Variants in SULT2B1 observed in about 807,000 individuals in gnomAD.
SULT2B1 encodes the protein sulfotransferase 2B1.
SULT2B1 carries 16 observed loss-of-function variants against 33.2 expected under a neutral mutation model. That is an observed-to-expected ratio of 0.48 (90% CI 0.33 to 0.73). The LOEUF (loss-of-function observed/expected upper bound fraction) is 0.73. Ranked by LOEUF, SULT2B1 falls within the 30% of genes least tolerant of loss-of-function variation. The pLI, the probability that SULT2B1 is intolerant of heterozygous loss-of-function variation, is 0.02. For synonymous variants in SULT2B1, 186 were observed against 200.5 expected, an observed-to-expected ratio of 0.93 and a Z score of 0.61; for missense variants, 500 against 506.0, an observed-to-expected ratio of 0.99 and a Z score of 0.11.
rs1181434656 is a variant in SULT2B1, at chr19:48,592,825, C to T, written c.645+9C>T. 1.9e-6 allele frequency: 3 copies of T among 1,555,648 alleles called. No individual in the cohort carries two copies. Among genetic ancestry groups the T allele is most frequent in the Non-Finnish European group, 2.6e-6 (3 of 1,147,688 alleles). On this transcript the variant is annotated intron_variant, in intron 5 of 6. Coordinates refer to ENST00000201586, the MANE Select transcript of SULT2B1 (RefSeq NM_177973.2). ...ACGAGGAGCTGCAGCAGGTGAGTCC[C>T]CACCTCCTCCAGGTGCAGCGTCCCC...
At position 48,592,748 on chromosome 19, in the gene SULT2B1, A is replaced by G; in HGVS notation, c.577A>G (p.Ile193Val). ...GCAGTTTGGCTCCTGGTTCGACCAC[A>G]TTAAGGGCTGGCTTCGGATGAAGGG... ...EVQFGSWFDHIKGWLRMKGKD... is the reference protein window; with the variant it reads ...EVQFGSWFDHVKGWLRMKGKD... The change falls in exon 5 of 7, where the codon ATT becomes GTT. Residue 193 changes from isoleucine to valine, a missense_variant. Transcript: ENST00000201586. 6.3e-7 allele frequency: 1 copy of G among 1,599,490 alleles called. No individual in the cohort carries two copies. Among genetic ancestry groups the G allele is most frequent in the Non-Finnish European group, 8.5e-7 (1 of 1,172,770 alleles).
Position 48,558,683 on chromosome 19 carries a change from T to C in SULT2B1, c.71+6360T>C, listed in dbSNP as rs1238447205. Among the ~76,000 whole-genome samples the C allele has an allele frequency of 2.3e-4, 20 of 87,806 alleles. No homozygotes were observed. The East Asian group carries it at 4.2e-3, about 18-fold the overall frequency. The allele number at this position is 87,806 out of a possible 152,430, so 57.6% of individuals were successfully genotyped here. A position where few individuals can be genotyped will look rare whatever the true frequency, so the allele number is the denominator to read the frequency against. On this transcript the variant is annotated intron_variant, in intron 1 of 6. Transcript: ENST00000201586. ...TTTTCTTTTTTCTTTTCTTTTCTTT[T>C]TTTTTTTTTTTTTTTTTTGAGACAG...
Position 48,587,213 on chromosome 19 carries a change from C to T in SULT2B1, c.215-16C>T, listed in dbSNP as rs767076557. On this transcript the variant is annotated splice_polypyrimidine_tract_variant and intron_variant, in intron 2 of 6. Coordinates refer to ENST00000201586, the MANE Select transcript of SULT2B1 (RefSeq NM_177973.2). The stretch of plus-strand genomic sequence containing the variant: ...CCCTCCCACACCCAATTAATCTGCT[C>T]GATTTCTCCCAACAGGCACGACCTG... The T allele has an allele frequency of 5.3e-5, 85 of 1,589,986 alleles. No homozygotes were observed. The highest frequency in any genetic ancestry group is 3.9e-4 in the Admixed American group (23 of 58,330).
At chr19:48,588,582 A>C (rs777133593) in intron 3 of SULT2B1, among the ~76,000 whole-genome samples, 1 of 149,530 alleles carries the variant, frequency 6.7e-6, no homozygotes, top group Non-Finnish European at 1.5e-5. Flanking sequence ...TACTTTAATT[A>C]TATTTAATAT....
In SULT2B1 at chr19:48,579,855, C is replaced by T. The variant is rs1342053614; in HGVS notation, c.214+3772C>T. Among the ~76,000 whole-genome samples, 3 of 151,494 alleles carry T rather than the reference C, an allele frequency of 2.0e-5. No individual in the cohort carries two copies. The East Asian group carries it at 5.8e-4, about 30-fold the overall frequency. ...CTCCTGACCTCAGGTGATCCACCTG[C>T]CTCAGCTTCCCGAAGTGCTGGGATT... On this transcript the variant is annotated intron_variant, in intron 2 of 6. Transcript: ENST00000201586.
chr19:48,592,903 C>A, intron 5 of SULT2B1, 87 bp downstream of exon 5: 1 of 1,182,346 alleles, frequency 8.5e-7, no homozygotes, highest in Non-Finnish European at 1.2e-6. Flanking sequence ...GGTCTCAGGA[C>A]CCCTCCGCTT....
chr19:48,593,035 G>GAGGAGCTA (rs1292199280), intron 5 of SULT2B1, among the ~76,000 whole-genome samples: 1 of 151,946 alleles, frequency 6.6e-6, no homozygotes, highest in Non-Finnish European at 1.5e-5. Context: ...CAGAGGAGCT[G>GAGGAGCTA]AGGAGCAAAG....
At chr19:48,575,466 AT>A (rs1973391031) in intron 1 of SULT2B1, 4 of 22,894 alleles carry the variant, frequency 1.7e-4, no homozygotes, top group African/African-American at 2.3e-4. Context: ...AATTAAAAAT[AT>A]ATATATATAT....
chr19:48,591,639 G>T lies in SULT2B1; in HGVS notation c.454G>T (p.Val152Phe), dbSNP rs1432402312. Residue 152 changes from valine to phenylalanine, a missense_variant, in exon 4 of 7, where the codon GTT becomes TTT. Physicochemically the swap from Val to Phe is conservative, Grantham distance 50. Transcript: ENST00000201586. ...VIYMGRNPRD[V>F]VVSLYHYSKI... ...CTACATGGGCCGCAACCCCCGGGAC[G>T]TTGTGGTCTCCCTCTATCATTACTC... 6.2e-7 allele frequency: 1 copy of T among 1,613,514 alleles called. No individual in the cohort carries two copies. Among genetic ancestry groups the T allele is most frequent in the Non-Finnish European group, 8.5e-7 (1 of 1,179,662 alleles).
Position 48,581,990 on chromosome 19 carries a change from C to T in SULT2B1, c.215-5239C>T, listed in dbSNP as rs562460086. Among the ~76,000 whole-genome samples, 7 of 151,134 alleles carry T rather than the reference C, an allele frequency of 4.6e-5. No homozygotes were observed. The East Asian group carries it at 9.8e-4, about 21-fold the overall frequency. On this transcript the variant is annotated intron_variant, in intron 2 of 6. Coordinates refer to ENST00000201586, the MANE Select transcript of SULT2B1 (RefSeq NM_177973.2). ...TGCCATCTTGGCTTACTGCAACCTC[C>T]GCCTCCTGGGTTCAAGCGATTCTCC... is the stretch of plus-strand genomic sequence containing the variant.
intron 1 of SULT2B1, among the ~76,000 whole-genome samples, chr19:48,569,514 G>A (rs1973293024): frequency 6.6e-6 from 1 of 151,200 alleles, no homozygotes; most frequent in Admixed American, 6.6e-5. Context: ...GAGCCCAGGA[G>A]TTTTCTTTCT....
chr19:48,598,866 A>C (rs1973758885), intron 6 of SULT2B1, among the ~76,000 whole-genome samples: 1 of 152,092 alleles, frequency 6.6e-6, no homozygotes, highest in East Asian at 1.9e-4. Context: ...AGAGACTTAA[A>C]GGGTCCGGGA....
chr19:48,583,969 G>A (rs1973529170), intron 2 of SULT2B1, among the ~76,000 whole-genome samples: 1 of 152,066 alleles, frequency 6.6e-6, no homozygotes, highest in African/African-American at 2.4e-5. Context: ...AAAATTAGCT[G>A]GGCATGCTGG....
chr19:48,576,040 T>C lies in SULT2B1; in HGVS notation c.171T>C (p.Asp57=), dbSNP rs143394760. The change falls in exon 2 of 7, where the codon GAT becomes GAC. Residue 57 remains aspartate (D), a synonymous_variant. Transcript: ENST00000201586. ...TCAGCTTGGCGGAGAACACCCAAGA[T>C]GTGCGGGACGACGACATCTTTATCA... The part of the protein sequence containing the change: ...ESISLAENTQ[D]VRDDDIFIIT... 3.1e-5 allele frequency: 50 copies of C among 1,613,494 alleles called. No individual in the cohort carries two copies. The highest frequency in any genetic ancestry group is 4.0e-5 in the African/African-American group (3 of 74,854).
intron 2 of SULT2B1, among the ~76,000 whole-genome samples, chr19:48,581,398 G>A (rs2665584): frequency 0.9 from 134,510 of 149,522 alleles, 60,611 homozygotes; most frequent in Non-Finnish European, 0.91. Context: ...GCTCACAAAT[G>A]TATTATTTGG....
intron 1 of SULT2B1, among the ~76,000 whole-genome samples, chr19:48,569,987 C>T (rs1230378854): frequency 1.3e-5 from 2 of 152,032 alleles, no homozygotes; most frequent in Admixed American, 1.3e-4. Flanking sequence ...TCTGCAAAGT[C>T]CGTTTGGCCA....
intron 1 of SULT2B1, among the ~76,000 whole-genome samples, chr19:48,574,523 T>C (rs1973377431): frequency 6.6e-6 from 1 of 152,218 alleles, no homozygotes; most frequent in African/African-American, 2.4e-5. Flanking sequence ...GGAAGGAGAT[T>C]TCTCCCTCAA....
At chr19:48,563,959 C>CA (rs35211958) in intron 1 of SULT2B1, among the ~76,000 whole-genome samples, 5,369 of 117,210 alleles carry the variant, frequency 0.046, 133 homozygotes, top group African/African-American at 0.09. Flanking sequence ...GACTTCCTCT[C>CA]AAAAAAAAAA....
chr19:48,564,464 A>G (rs1276066213), intron 1 of SULT2B1, among the ~76,000 whole-genome samples: 5 of 148,366 alleles, frequency 3.4e-5, no homozygotes, highest in Non-Finnish European at 7.4e-5. Flanking sequence ...GAGGAAGGAG[A>G]ATCGCTTGAA....
Sources: allele counts gnomAD v4.1 joint callset (sites outside exome capture counted in the v4.1 genomes callset), GRCh38; gene constraint gnomAD v4.1.1; transcripts MANE v1.5; gene names NCBI Gene and HGNC (gene_info 2026-07-23, HGNC 2026-07-21).